Variants in PLEKHA5 observed in about 807,000 individuals in gnomAD.
PLEKHA5 encodes the protein pleckstrin homology domain-containing family A member 5.
PLEKHA5 carries 55 observed loss-of-function variants against 181.9 expected under a neutral mutation model. The observed-to-expected ratio is 0.30, with a 90% CI of 0.24 to 0.38. The LOEUF (loss-of-function observed/expected upper bound fraction) is 0.38. PLEKHA5 is among the 10% of genes least tolerant of loss of function. The probability of loss-of-function intolerance (pLI) is 1.00; values close to 1 mark genes in which losing one functional copy is unlikely to be tolerated. For missense variants in PLEKHA5, 1,432 were observed against 1,549.5 expected (o/e 0.92, Z 1.27); for synonymous variants, 535 against 529.4 (o/e 1.01, Z -0.15).
At chr12:19,321,814 G>A (rs1386157264) in intron 18 of PLEKHA5, among the ~76,000 whole-genome samples, 1 of 152,082 alleles carries the variant, frequency 6.6e-6, no homozygotes, top group African/African-American at 2.4e-5. Context: ...ATGCCATAAA[G>A]TTGGGGACAT....
chr12:19,226,276 CT>C (rs1307524474), intron 3 of PLEKHA5, among the ~76,000 whole-genome samples: 2 of 152,106 alleles, frequency 1.3e-5, no homozygotes, highest in African/African-American at 4.8e-5. Context: ...TACATCATTC[CT>C]TTTTATGGCT....
chr12:19,292,497 GCCTGTCC>G (rs1382575797), intron 15 of PLEKHA5, among the ~76,000 whole-genome samples: 1 of 152,130 alleles, frequency 6.6e-6, no homozygotes, highest in East Asian at 1.9e-4. Context: ...ATTTGCAGTT[GCCTGTCC>G]TTATTCCCTG....
intron 3 of PLEKHA5, among the ~76,000 whole-genome samples, chr12:19,253,284 A>G (rs537446633): frequency 5.3e-5 from 8 of 150,646 alleles, no homozygotes; most frequent in African/African-American, 1.5e-4. Context: ...CATGTTGGTC[A>G]GGCTGGTCTT....
intron 3 of PLEKHA5, among the ~76,000 whole-genome samples, chr12:19,230,360 GCA>G (rs979465017): frequency 4.6e-5 from 7 of 152,282 alleles, no homozygotes; most frequent in Admixed American, 2.0e-4. Context: ...CCGTGCGCCC[GCA>G]CTCCTCAGCC....
At chr12:19,346,846 T>C in intron 23 of PLEKHA5, 148 bp from the exon 24 acceptor site, 1 of 499,706 alleles carries the variant, frequency 2.0e-6, no homozygotes, top group East Asian at 3.2e-5. Flanking sequence ...AAATTTTTGA[T>C]TTTACTTTTC....
At chr12:19,224,044 G>A (rs2059356741) in intron 3 of PLEKHA5, among the ~76,000 whole-genome samples, 1 of 152,114 alleles carries the variant, frequency 6.6e-6, no homozygotes, top group Non-Finnish European at 1.5e-5. Context: ...TGTGATTGTT[G>A]TCTAGGTTTC....
chr12:19,273,966 G>A (rs570889393), intron 10 of PLEKHA5, among the ~76,000 whole-genome samples: 1 of 152,310 alleles, frequency 6.6e-6, no homozygotes, highest in African/African-American at 2.4e-5. Flanking sequence ...GTTGCAAGCT[G>A]GACATGTGCA....
At chr12:19,192,840 T>C (rs2051523654) in intron 3 of PLEKHA5, among the ~76,000 whole-genome samples, 2 of 152,246 alleles carry the variant, frequency 1.3e-5, no homozygotes, top group Admixed American at 1.3e-4. Context: ...GAGACTATCA[T>C]AGACATTCTA....
At chr12:19,337,548 CAAAAAAAAAAAA>C (rs1157232818) in intron 21 of PLEKHA5, among the ~76,000 whole-genome samples, 1 of 61,688 alleles carries the variant, frequency 1.6e-5, no homozygotes, top group African/African-American at 5.2e-5. Context: ...GACTCTATCT[CAAAAAAAAAAAA>C]AAAAAAAAAG....
At chr12:19,263,434 A>C (rs2069196307) in intron 7 of PLEKHA5, among the ~76,000 whole-genome samples, 1 of 152,106 alleles carries the variant, frequency 6.6e-6, no homozygotes, top group Non-Finnish European at 1.5e-5. Flanking sequence ...TTTTGCCCCC[A>C]CTCAGATATC....
rs558503579 is a variant in PLEKHA5 at position 19,331,622 on chromosome 12, A to G, written c.2449-4893A>G. 2.0e-5 allele frequency among the ~76,000 whole-genome samples: 3 copies of G among 152,266 alleles called. No homozygotes were observed. In the East Asian group the frequency reaches 5.8e-4, roughly 29 times the overall value. On this transcript the variant is annotated intron_variant, in intron 20 of 31. Coordinates refer to ENST00000429027, the MANE Select transcript of PLEKHA5 (RefSeq NM_001256470.2). ...TGGAATTTCATTACATTCCTGCTTC[A>G]CTTTCTCCCCCGCACAGTGGCCAAG...
At chr12:19,165,684 T>G (rs1252299053) in intron 3 of PLEKHA5, among the ~76,000 whole-genome samples, 2 of 152,262 alleles carry the variant, frequency 1.3e-5, no homozygotes, top group East Asian at 1.9e-4. Flanking sequence ...ACTGGGAAGT[T>G]TCTCTGTAGG....
chr12:19,170,429 T>C (rs367879961), intron 3 of PLEKHA5, among the ~76,000 whole-genome samples: 10 of 3,120 alleles, frequency 3.2e-3, no homozygotes, highest in African/African-American at 3.9e-3. Context: ...TTCAGAAGAC[T>C]TTTTTTTTTT....
intron 3 of PLEKHA5, among the ~76,000 whole-genome samples, chr12:19,226,675 A>G (rs1411394257): frequency 1.3e-5 from 2 of 152,212 alleles, no homozygotes; most frequent in Non-Finnish European, 2.9e-5. Context: ...AATTTTTCAA[A>G]GAAAAGCTGT....
chr12:19,130,137 C>G lies in PLEKHA5; in HGVS notation c.169+7C>G, dbSNP rs762853306. 1 of 1,550,682 alleles carries G rather than the reference C, an allele frequency of 6.4e-7. No individual in the cohort carries two copies. Among genetic ancestry groups the G allele is most frequent in the South Asian group, 1.2e-5 (1 of 83,984 alleles). On this transcript the variant is annotated splice_region_variant and intron_variant, in intron 2 of 31. Transcript: ENST00000429027. This position sits in a 1 kb window ranked among gnomAD's most constrained non-coding sequence, Gnocchi z 4.5. ...CACCGGCGGCAGAGCACAGGTAACG[C>G]CGGGCCCAAACGGAGTTGGGCTCCG...
intron 20 of PLEKHA5, among the ~76,000 whole-genome samples, chr12:19,325,612 C>T (rs190526453): frequency 6.2e-4 from 94 of 151,228 alleles, no homozygotes; most frequent in African/African-American, 1.6e-3. Context: ...TGCTTGAACC[C>T]GGGAGGCGGT....
chr12:19,266,125 A>G (rs990753556), intron 8 of PLEKHA5, among the ~76,000 whole-genome samples: 5 of 152,160 alleles, frequency 3.3e-5, no homozygotes, highest in African/African-American at 9.7e-5. Context: ...GAATATAATT[A>G]TGGATGTCCT....
chr12:19,180,487 G>A (rs998926664), intron 3 of PLEKHA5, among the ~76,000 whole-genome samples: 1 of 151,990 alleles, frequency 6.6e-6, no homozygotes. Context: ...GTTCTAAATT[G>A]GCAATAAGCA....
In PLEKHA5 at chr12:19,375,821, T is replaced by G. The variant is rs2095698738; in HGVS notation, c.*302T>G. On this transcript the variant is annotated 3_prime_UTR_variant, in exon 32 of 32. Transcript: ENST00000429027. Reference sequence around the variant, plus strand: ...TGTGCAGTCTATTTCCAGAGCTTACTTAGTTGCTGATTTCCAGATTTCGAT... The same window carrying G: ...TGTGCAGTCTATTTCCAGAGCTTACGTAGTTGCTGATTTCCAGATTTCGAT... The G allele has an allele frequency of 1.3e-5, 2 of 152,638 alleles. No homozygotes were observed. Among genetic ancestry groups the G allele is most frequent in the African/African-American group, 2.4e-5 (1 of 41,468 alleles). The allele number at this position is 152,638 out of a possible 1,614,324, so 9.5% of individuals were successfully genotyped here.
Sources: allele counts gnomAD v4.1 joint callset (sites outside exome capture counted in the v4.1 genomes callset), GRCh38; gene constraint gnomAD v4.1.1; non-coding constraint Gnocchi (gnomAD v3.1); transcripts MANE v1.5; gene names NCBI Gene and HGNC (gene_info 2026-07-23, HGNC 2026-07-21).